NPIPA1: variants seen among roughly 807,000 people sequenced by gnomAD.
NPIPA1 encodes the protein nuclear pore complex interacting protein family member A1, also known as nuclear pore complex-interacting protein family member A1.
For missense variants in NPIPA1, 22 were observed against 232.2 expected, an observed-to-expected ratio of 0.09 and a Z score of 5.88; for synonymous variants, 7 against 88.0, an observed-to-expected ratio of 0.08 and a Z score of 5.15.
intron 2 of NPIPA1, among the ~76,000 whole-genome samples, chr16:14,945,227 G>GGT (rs1555533565): frequency 0.028 from 3,874 of 137,126 alleles, 5 homozygotes; most frequent in African/African-American, 0.032. Context: ...ATTCTTGTGT[G>GGT]GTGTGTGTGT....
intron 5 of NPIPA1, 38 bp from the exon 6 acceptor site, chr16:14,950,012 G>T: frequency 2.1e-6 from 1 of 485,360 alleles, no homozygotes; most frequent in Non-Finnish European, 3.5e-6. Flanking sequence ...CATCCTGAAA[G>T]TGGTGCTTTA....
At chr16:14,947,052 C>G (rs1302296970) in intron 4 of NPIPA1, among the ~76,000 whole-genome samples, 1 of 152,094 alleles carries the variant, frequency 6.6e-6, no homozygotes, top group African/African-American at 2.4e-5. Flanking sequence ...GTCTTGAACT[C>G]CTGACCTCAG....
chr16:14,938,718 G>C (rs1165942733), intron 1 of NPIPA1, among the ~76,000 whole-genome samples: 73 of 151,362 alleles, frequency 4.8e-4, no homozygotes, highest in African/African-American at 1.5e-3. Flanking sequence ...AATGTCATTT[G>C]ATTTGTGTCA....
chr16:14,940,451 G>A (rs1450259171), intron 1 of NPIPA1, among the ~76,000 whole-genome samples: 1 of 151,836 alleles, frequency 6.6e-6, no homozygotes, highest in Non-Finnish European at 1.5e-5. Context: ...GCTCACACCT[G>A]TATTGCCAGC....
chr16:14,946,552 T>C (rs1229093672), intron 4 of NPIPA1, among the ~76,000 whole-genome samples: 11 of 144,812 alleles, frequency 7.6e-5, no homozygotes, highest in Non-Finnish European at 1.5e-4. Context: ...TGAGATAGAG[T>C]CTCGCTCTGT....
chr16:14,938,670 CTT>C (rs1257888223), intron 1 of NPIPA1, among the ~76,000 whole-genome samples: 2 of 146,610 alleles, frequency 1.4e-5, no homozygotes, highest in African/African-American at 2.5e-5. Context: ...CCGCTGCACT[CTT>C]GTCTCTAACA....
At chr16:14,944,948 G>A (rs1436987796) in intron 2 of NPIPA1, among the ~76,000 whole-genome samples, 1 of 100,780 alleles carries the variant, frequency 9.9e-6, no homozygotes, top group African/African-American at 3.9e-5. Context: ...TTTGAATTTT[G>A]TTGCCCATGT....
intron 2 of NPIPA1, among the ~76,000 whole-genome samples, chr16:14,942,908 C>T (rs1365606278): frequency 6.6e-6 from 1 of 152,280 alleles, no homozygotes; most frequent in African/African-American, 2.4e-5. Context: ...GGCTGAACCT[C>T]CTTCTGAACA....
intron 4 of NPIPA1, among the ~76,000 whole-genome samples, chr16:14,947,258 A>G (rs1318395575): frequency 4.6e-5 from 7 of 152,228 alleles, no homozygotes; most frequent in Admixed American, 2.6e-4. Flanking sequence ...TTAACAATGA[A>G]TTGAGGCCTA....
Position 14,939,900 on chromosome 16 carries a change from T to C in NPIPA1, c.64-1912T>C, listed in dbSNP as rs1344817355. On this transcript the variant is annotated intron_variant, in intron 1 of 7. Transcript: ENST00000328085. Reference sequence around the variant, plus strand: ...TTTCATGATCTCCACCTTGGTAATTTTTTTTTTTTTTTTGAGACAGAGTCT... The same window carrying C: ...TTTCATGATCTCCACCTTGGTAATTCTTTTTTTTTTTTTGAGACAGAGTCT... Among the ~76,000 whole-genome samples the C allele has an allele frequency of 5.4e-5, 2 of 36,884 alleles. 1 individual carries two copies. Among genetic ancestry groups the C allele is most frequent in the Non-Finnish European group, 1.5e-4 (2 of 13,114 alleles). The allele number at this position is 36,884 out of a possible 152,430, so 24.2% of individuals were successfully genotyped here. A position where few individuals can be genotyped will look rare whatever the true frequency, so the allele number is the denominator to read the frequency against.
chr16:14,937,957 C>T (rs1299106052), intron 1 of NPIPA1, among the ~76,000 whole-genome samples: 2 of 146,960 alleles, frequency 1.4e-5, no homozygotes, highest in Non-Finnish European at 3.0e-5. Flanking sequence ...CTAAACCTTC[C>T]ACCAGCGCTT....
intron 2 of NPIPA1, among the ~76,000 whole-genome samples, chr16:14,943,985 C>A: frequency 6.6e-6 from 1 of 152,098 alleles, no homozygotes; most frequent in Non-Finnish European, 1.5e-5. Flanking sequence ...CCCATCTCTA[C>A]TAAAAAGACA....
intron 1 of NPIPA1, among the ~76,000 whole-genome samples, chr16:14,940,766 C>T (rs1389223561): frequency 3.6e-5 from 4 of 111,674 alleles, no homozygotes; most frequent in Non-Finnish European, 7.1e-5. Context: ...CCATGAGTGA[C>T]GGGCTGCATG....
intron 1 of NPIPA1, chr16:14,938,247 CT>C: frequency 7.0e-7 from 1 of 1,437,362 alleles, no homozygotes. Flanking sequence ...TTTGGCTCCT[CT>C]TTTGGCTCCT....
At chr16:14,948,218 C>CA (rs1185973049) in intron 4 of NPIPA1, among the ~76,000 whole-genome samples, 1 of 152,176 alleles carries the variant, frequency 6.6e-6, no homozygotes, top group Non-Finnish European at 1.5e-5. Flanking sequence ...TTGTTAAAGT[C>CA]AGTCAACACC....
chr16:14,939,970 A>G (rs1965709814), intron 1 of NPIPA1, among the ~76,000 whole-genome samples: 1 of 35,312 alleles, frequency 2.8e-5, no homozygotes, highest in African/African-American at 7.1e-5. Context: ...ATCTTGGCTC[A>G]CTGCAACCTC....
rs1425226744 is a variant in NPIPA1, at chr16:14,941,383, C to T, written c.64-429C>T. The T allele has an allele frequency of 2.9e-4, 47 of 159,962 alleles. No individual in the cohort carries two copies. In the South Asian group the frequency reaches 3.4e-3, roughly 12 times the overall value. 9.9% of individuals were successfully genotyped at this position (159,962 alleles called of 1,614,324 possible). On this transcript the variant is annotated intron_variant, in intron 1 of 7. Coordinates refer to ENST00000328085, the MANE Select transcript of NPIPA1 (RefSeq NM_006985.4). ...CCAGGAGCTGGAGGTTGCAGTGAGC[C>T]GAGATTGCACCACTGCACTCCAGCC...
intron 2 of NPIPA1, among the ~76,000 whole-genome samples, chr16:14,943,720 C>A (rs1256623911): frequency 6.6e-6 from 1 of 151,772 alleles, no homozygotes; most frequent in Non-Finnish European, 1.5e-5. Flanking sequence ...CTAGCAGTAG[C>A]TGTGGGATAG....
intron 4 of NPIPA1, among the ~76,000 whole-genome samples, chr16:14,946,556 G>A (rs1173674352): frequency 6.5e-3 from 938 of 144,158 alleles, no homozygotes; most frequent in African/African-American, 0.022. Flanking sequence ...ATAGAGTCTC[G>A]CTCTGTCGCC....
Sources: gnomAD v4.1 joint callset for allele counts (sites outside exome capture counted in the v4.1 genomes callset) on GRCh38, gnomAD v4.1.1 for gene constraint, MANE v1.5 for transcripts, NCBI Gene and HGNC (gene_info 2026-07-23, HGNC 2026-07-21) for gene names.